MED27: variants seen among roughly 807,000 people sequenced by gnomAD.
The protein encoded by MED27 is mediator complex subunit 27, also known as mediator of RNA polymerase II transcription subunit 27.
In MED27, 30 loss-of-function variants were observed where a neutral mutation model predicts 38.2. The observed-to-expected ratio is 0.79, with a 90% CI of 0.59 to 1.07. The LOEUF (loss-of-function observed/expected upper bound fraction) is 1.07, where lower values mean the gene tolerates loss of function less well. Among genes scored for constraint, MED27 ranks in the 50% least tolerant of loss-of-function variants. The probability of loss-of-function intolerance (pLI) is 0.00; values close to 1 mark genes in which losing one functional copy is unlikely to be tolerated. For synonymous variants in MED27, 122 were observed against 153.5 expected (o/e 0.79, Z 1.52); for missense variants, 289 against 397.5 (o/e 0.73, Z 2.32).
At chr9:132,042,888 T>C (rs560554615) in intron 2 of MED27, among the ~76,000 whole-genome samples, 1 of 152,308 alleles carries the variant, frequency 6.6e-6, no homozygotes, top group East Asian at 1.9e-4. Flanking sequence ...ACGTACCAAT[T>C]AATCATGTGT....
chr9:132,070,472 T>G (rs1430460628), intron 2 of MED27, among the ~76,000 whole-genome samples: 1 of 152,076 alleles, frequency 6.6e-6, no homozygotes, highest in Non-Finnish European at 1.5e-5. Context: ...CAGGAAGACC[T>G]CTTGAGCCCA....
intron 5 of MED27, among the ~76,000 whole-genome samples, chr9:131,886,295 G>A (rs1564268845): frequency 6.6e-6 from 1 of 152,164 alleles, no homozygotes; most frequent in Admixed American, 6.5e-5. Context: ...TGATTCTGAG[G>A]AGGCCACTCT....
intron 2 of MED27, among the ~76,000 whole-genome samples, chr9:132,060,590 T>G (rs1398732212): frequency 6.6e-6 from 1 of 152,186 alleles, no homozygotes; most frequent in African/African-American, 2.4e-5. Flanking sequence ...AGGAAACCCT[T>G]TACGGTCCCC....
At chr9:131,929,040 C>T (rs1378022343) in intron 4 of MED27, among the ~76,000 whole-genome samples, 1 of 152,214 alleles carries the variant, frequency 6.6e-6, no homozygotes, top group African/African-American at 2.4e-5. Flanking sequence ...TCAGCCACAA[C>T]AGGATAGGGC....
In MED27 at chr9:131,889,746, A is replaced by C. The variant is rs959021702; in HGVS notation, c.681+4139T>G. Among the ~76,000 whole-genome samples, 2 of 152,242 alleles carry C rather than the reference A, an allele frequency of 1.3e-5. No individual in the cohort carries two copies. The highest frequency in any genetic ancestry group is 4.8e-5 in the African/African-American group (2 of 41,474). On this transcript the variant is annotated intron_variant, in intron 5 of 7. Coordinates refer to ENST00000292035, the MANE Select transcript of MED27 (RefSeq NM_004269.4). This position sits in a 1 kb window ranked among gnomAD's most constrained non-coding sequence, Gnocchi z 4.2. ...GTGCTGGGCCACTACAGCAGCAAGA[A>C]GGATAATGAAACTTTCGAATGTGCT...
chr9:132,019,500 T>C (rs1005847229), intron 2 of MED27, among the ~76,000 whole-genome samples: 5 of 152,208 alleles, frequency 3.3e-5, no homozygotes, highest in African/African-American at 1.2e-4. Context: ...GTTCACAGGC[T>C]TGAGCTTGGA....
intron 2 of MED27, among the ~76,000 whole-genome samples, chr9:132,048,139 T>C (rs541220321): frequency 6.6e-6 from 1 of 152,328 alleles, no homozygotes; most frequent in South Asian, 2.1e-4. Flanking sequence ...TGAGCACATA[T>C]TACTCTGAAA....
At chr9:131,906,580 GA>G (rs1830067358) in intron 4 of MED27, among the ~76,000 whole-genome samples, 1 of 152,248 alleles carries the variant, frequency 6.6e-6, no homozygotes, top group South Asian at 2.1e-4. Flanking sequence ...TGGCATGTCT[GA>G]TGTGTGCTTT....
At chr9:131,966,367 G>A (rs1207194083) in intron 3 of MED27, among the ~76,000 whole-genome samples, 82 of 33,490 alleles carry the variant, frequency 2.4e-3, no homozygotes, top group Non-Finnish European at 2.6e-3. Flanking sequence ...CCAGGCAAAA[G>A]AGCCAGACCC....
At chr9:131,911,915 A>G (rs1398101974) in intron 4 of MED27, among the ~76,000 whole-genome samples, 1 of 152,142 alleles carries the variant, frequency 6.6e-6, no homozygotes, top group African/African-American at 2.4e-5. Flanking sequence ...TCTCCTGGTC[A>G]AACACAGACA....
intron 2 of MED27, among the ~76,000 whole-genome samples, chr9:132,073,146 T>C (rs948811235): frequency 2.6e-5 from 4 of 152,038 alleles, no homozygotes; most frequent in African/African-American, 9.7e-5. Flanking sequence ...GAGCTTATCA[T>C]TGGTTCACCC....
intron 3 of MED27, among the ~76,000 whole-genome samples, chr9:132,002,083 C>T (rs906423867): frequency 2.0e-5 from 3 of 152,178 alleles, no homozygotes; most frequent in Non-Finnish European, 2.9e-5. Context: ...TACTACTATT[C>T]AGCTGTCAGA....
At chr9:132,052,852 G>A (rs756201238) in intron 2 of MED27, among the ~76,000 whole-genome samples, 10 of 152,076 alleles carry the variant, frequency 6.6e-5, no homozygotes, top group Non-Finnish European at 1.0e-4. Context: ...TTCATTTTTC[G>A]TGGCTTAGCA....
At chr9:131,990,241 C>T (rs1232908160) in intron 3 of MED27, among the ~76,000 whole-genome samples, 1 of 152,160 alleles carries the variant, frequency 6.6e-6, no homozygotes, top group African/African-American at 2.4e-5. Context: ...CATGATTGAG[C>T]CCAAAGATAC....
chr9:131,998,952 T>C (rs1202400709), intron 3 of MED27, among the ~76,000 whole-genome samples: 2 of 151,744 alleles, frequency 1.3e-5, no homozygotes, highest in African/African-American at 4.8e-5. Context: ...ACCTGTCAAA[T>C]AGGGAAAGGA....
chr9:131,873,899 A>G (rs1264753062), intron 6 of MED27, among the ~76,000 whole-genome samples: 1 of 152,128 alleles, frequency 6.6e-6, no homozygotes, highest in South Asian at 2.1e-4. Flanking sequence ...TATCCTCTTT[A>G]AAGTCCCAGC....
intron 4 of MED27, among the ~76,000 whole-genome samples, chr9:131,907,221 C>T (rs71503128): frequency 6.6e-6 from 1 of 151,762 alleles, no homozygotes; most frequent in African/African-American, 2.4e-5. Flanking sequence ...CTCCCTCTCC[C>T]CACGGTCTCC....
intron 2 of MED27, among the ~76,000 whole-genome samples, chr9:132,029,680 A>AAGG: frequency 6.6e-6 from 1 of 152,296 alleles, no homozygotes; most frequent in Admixed American, 6.5e-5. Context: ...CAAAATAGGG[A>AAGG]AGGAGGTGGG....
intron 3 of MED27, among the ~76,000 whole-genome samples, chr9:131,950,109 G>A (rs1385192739): frequency 9.2e-5 from 14 of 152,026 alleles, no homozygotes; most frequent in Admixed American, 8.5e-4. Context: ...TCACTCAACA[G>A]CTACCTGCTC....
Sources: gnomAD v4.1 joint callset for allele counts (sites outside exome capture counted in the v4.1 genomes callset) on GRCh38, gnomAD v4.1.1 for gene constraint, Gnocchi (gnomAD v3.1) non-coding constraint, MANE v1.5 for transcripts, NCBI Gene and HGNC (gene_info 2026-07-23, HGNC 2026-07-21) for gene names.